The following CCSER1 variants were observed in gnomAD, a reference collection of about 807,000 sequenced individuals.
The protein encoded by CCSER1 is coiled-coil serine rich protein 1.
A neutral mutation model predicts 82.0 loss-of-function variants in CCSER1; 41 were observed. The ratio of observed to expected loss-of-function variants is 0.50; its 90% confidence interval spans 0.39 to 0.65. The LOEUF is 0.65. CCSER1 is among the 30% of genes least tolerant of loss of function. The pLI is 0.00. For missense variants in CCSER1, 1,119 were observed against 1,064.2 expected, an observed-to-expected ratio of 1.05 and a Z score of -0.72; for synonymous variants, 414 against 383.9, an observed-to-expected ratio of 1.08 and a Z score of -0.92.
chr4:91,015,025 T>G (rs1314377743), intron 9 of CCSER1, among the ~76,000 whole-genome samples: 1 of 137,264 alleles, frequency 7.3e-6, no homozygotes, highest in Non-Finnish European at 1.7e-5. Flanking sequence ...ACAAACTTAC[T>G]GTATAGTTCA....
chr4:91,157,247 C>A lies in CCSER1; in HGVS notation c.2217+71253C>A, dbSNP rs746462294. Among the ~76,000 whole-genome samples the A allele has an allele frequency of 1.8e-4, 28 of 151,812 alleles. 1 individual carries two copies. Among genetic ancestry groups the A allele is most frequent in the Admixed American group, 4.6e-4 (7 of 15,234 alleles). ...TGTTATTCGAAATCAGACTTATTTA[C>A]CAGAACTTAAATACTAATAGTCATT... On this transcript the variant is annotated intron_variant, in intron 10 of 10. Coordinates refer to ENST00000509176, the MANE Select transcript of CCSER1 (RefSeq NM_001145065.2).
intron 3 of CCSER1, among the ~76,000 whole-genome samples, chr4:90,396,542 T>A (rs1268700359): frequency 6.6e-6 from 1 of 152,216 alleles, no homozygotes; most frequent in Admixed American, 6.5e-5. Context: ...ATTTTTTAAA[T>A]TAGTAGTACC....
chr4:90,706,191 C>T (rs1432784236), intron 6 of CCSER1, among the ~76,000 whole-genome samples: 1 of 152,180 alleles, frequency 6.6e-6, no homozygotes, highest in Non-Finnish European at 1.5e-5. Context: ...TTAAAAGTTA[C>T]CTAGTTTATG....
At chr4:90,770,510 A>T (rs1246036553) in intron 7 of CCSER1, among the ~76,000 whole-genome samples, 1 of 152,208 alleles carries the variant, frequency 6.6e-6, no homozygotes, top group Non-Finnish European at 1.5e-5. Context: ...ACAAGATTTT[A>T]AGTATCTTAA....
intron 1 of CCSER1, among the ~76,000 whole-genome samples, chr4:90,187,556 G>GT (rs559456631): frequency 1.6e-3 from 236 of 151,748 alleles, no homozygotes; most frequent in Non-Finnish European, 2.6e-3. Context: ...AAATTTTAGG[G>GT]TTTTTTTGAG....
chr4:90,934,163 G>A (rs1456760073), intron 9 of CCSER1, among the ~76,000 whole-genome samples: 1 of 151,824 alleles, frequency 6.6e-6, no homozygotes, highest in East Asian at 1.9e-4. Context: ...TTTGATAATG[G>A]CTCATTATCA....
At chr4:90,249,662 G>A (rs1722042619) in intron 1 of CCSER1, among the ~76,000 whole-genome samples, 2 of 152,110 alleles carry the variant, frequency 1.3e-5, no homozygotes, top group African/African-American at 4.8e-5. Context: ...GTTGTAGCAT[G>A]TATCAGTACT....
chr4:90,271,843 TATATATATATATATATA>T (rs1287283926), intron 1 of CCSER1, among the ~76,000 whole-genome samples: 6 of 22,980 alleles, frequency 2.6e-4, no homozygotes, highest in Admixed American at 8.2e-4. Flanking sequence ...TATATATATA[TATATATATATATATATA>T]TATTTTTTTT....
At chr4:90,194,852 C>G (rs6840859) in intron 1 of CCSER1, among the ~76,000 whole-genome samples, 99,340 of 151,884 alleles carry the variant, frequency 0.65, 34,986 homozygotes, top group African/African-American at 0.91. Context: ...AATGAGTATA[C>G]TCTTACTGTA....
At chr4:90,155,851 GT>G (rs1338806605) in intron 1 of CCSER1, among the ~76,000 whole-genome samples, 1 of 151,168 alleles carries the variant, frequency 6.6e-6, no homozygotes, top group African/African-American at 2.4e-5. Context: ...TTTTTGAAGG[GT>G]TTTTTGTGTC....
intron 1 of CCSER1, among the ~76,000 whole-genome samples, chr4:90,287,333 T>A (rs1730085589): frequency 6.6e-6 from 1 of 152,020 alleles, no homozygotes; most frequent in Admixed American, 6.6e-5. Context: ...AAATAGCCAA[T>A]GATTGAAACT....
intron 1 of CCSER1, among the ~76,000 whole-genome samples, chr4:90,196,731 A>C (rs913564558): frequency 6.6e-6 from 1 of 151,612 alleles, no homozygotes; most frequent in Non-Finnish European, 1.5e-5. Flanking sequence ...CTCAAGCAAT[A>C]GTATATGAAG....
chr4:90,764,881 C>A (rs764167657), intron 7 of CCSER1, among the ~76,000 whole-genome samples: 5 of 152,110 alleles, frequency 3.3e-5, no homozygotes, highest in African/African-American at 4.8e-5. Context: ...CTTCCAAACA[C>A]TTTAATGGTA....
At chr4:90,219,271 A>G (rs765902729) in intron 1 of CCSER1, among the ~76,000 whole-genome samples, 5 of 152,202 alleles carry the variant, frequency 3.3e-5, no homozygotes, top group Non-Finnish European at 5.9e-5. Context: ...GAACAATGTC[A>G]TTGGTAATTC....
chr4:90,332,631 A>AT (rs1170774745), intron 3 of CCSER1, among the ~76,000 whole-genome samples: 1 of 152,196 alleles, frequency 6.6e-6, no homozygotes, highest in African/African-American at 2.4e-5. Flanking sequence ...CAAATTGGTG[A>AT]TTTTTATCAC....
intron 7 of CCSER1, among the ~76,000 whole-genome samples, chr4:90,770,658 A>G (rs1751952806): frequency 6.6e-6 from 1 of 151,892 alleles, no homozygotes; most frequent in Non-Finnish European, 1.5e-5. Context: ...TCTTTCTGTC[A>G]TTCTATTTCC....
At chr4:91,196,013 C>G (rs1211888423) in intron 10 of CCSER1, among the ~76,000 whole-genome samples, 1 of 152,018 alleles carries the variant, frequency 6.6e-6, no homozygotes, top group Non-Finnish European at 1.5e-5. Flanking sequence ...ACGGTGAAAC[C>G]CCGTCTCTAC....
intron 7 of CCSER1, among the ~76,000 whole-genome samples, chr4:90,779,411 TAAA>T (rs1025275997): frequency 6.7e-6 from 1 of 149,484 alleles, no homozygotes. Context: ...CATCATACTT[TAAA>T]AAAAAAAAAT....
At chr4:90,313,068 G>C (rs754878919) in intron 3 of CCSER1, 21 bp downstream of exon 3, 4 of 1,552,080 alleles carry the variant, frequency 2.6e-6, no homozygotes, top group Non-Finnish European at 3.5e-6. Context: ...ACATATGTCT[G>C]CCTCTAATAA....
Sources: allele counts gnomAD v4.1 joint callset (sites outside exome capture counted in the v4.1 genomes callset), GRCh38; gene constraint gnomAD v4.1.1; transcripts MANE v1.5; gene names NCBI Gene and HGNC (gene_info 2026-07-23, HGNC 2026-07-21).